The following ATG14 variants were observed in gnomAD, a reference collection of about 807,000 sequenced individuals.
The protein encoded by ATG14 is beclin 1-associated autophagy-related key regulator.
ATG14 carries 35 observed loss-of-function variants against 60.4 expected under a neutral mutation model. The observed-to-expected ratio is 0.58, with a 90% CI of 0.44 to 0.77. The LOEUF is 0.77. Ranked by LOEUF, ATG14 falls within the 30% of genes least tolerant of loss-of-function variation. The pLI is 0.00. For synonymous variants in ATG14, 234 were observed against 228.8 expected, an observed-to-expected ratio of 1.02 and a Z score of -0.21; for missense variants, 647 against 626.3, an observed-to-expected ratio of 1.03 and a Z score of -0.35.
intron 9 of ATG14, among the ~76,000 whole-genome samples, chr14:55,377,595 G>A (rs1884943521): frequency 6.6e-6 from 1 of 152,006 alleles, no homozygotes; most frequent in African/African-American, 2.4e-5. Flanking sequence ...TGCGCTTCAG[G>A]TATTAAAAAT....
At chr14:55,388,172 CT>C (rs1311032062) in intron 4 of ATG14, among the ~76,000 whole-genome samples, 6 of 152,184 alleles carry the variant, frequency 3.9e-5, no homozygotes, top group Admixed American at 3.9e-4. Context: ...TGCCATCCTG[CT>C]TAATGTGAAT....
chr14:55,406,574 T>C (rs1380260144), intron 1 of ATG14, among the ~76,000 whole-genome samples: 1 of 152,218 alleles, frequency 6.6e-6, no homozygotes, highest in Admixed American at 6.5e-5. Flanking sequence ...TTCTCCTCTG[T>C]ATTGCCAGAA....
intron 1 of ATG14, among the ~76,000 whole-genome samples, chr14:55,408,742 G>A (rs531248419): frequency 6.6e-6 from 1 of 152,280 alleles, no homozygotes; most frequent in African/African-American, 2.4e-5. Flanking sequence ...GTGCACTCCA[G>A]CCTCGGTGAC....
intron 1 of ATG14, among the ~76,000 whole-genome samples, chr14:55,408,247 G>GTCCAAGACCAGCCTGGGCA (rs2140155317): frequency 6.6e-6 from 1 of 152,012 alleles, no homozygotes; most frequent in Non-Finnish European, 1.5e-5. Context: ...GAGCTCCAGA[G>GTCCAAGACCAGCCTGGGCA]TCCAAGACCA....
chr14:55,410,310 T>C (rs988902615), intron 1 of ATG14, among the ~76,000 whole-genome samples: 3 of 152,200 alleles, frequency 2.0e-5, no homozygotes, highest in Non-Finnish European at 4.4e-5. Context: ...ATAGATGGTA[T>C]TTAAATTATG....
chr14:55,369,731 C>G lies in ATG14; in HGVS notation c.1367G>C (p.Ser456Thr), dbSNP rs1261512909. The change falls in exon 10 of 10, where the codon AGT (serine) becomes ACT (threonine). Residue 456 changes from serine to threonine, a missense_variant. Physicochemically the swap from Ser to Thr is moderately conservative, Grantham distance 58 (BLOSUM62 1). Transcript: ENST00000247178. ...GGGTGGGGACGCCTGGGTGCTCTGA[C>G]TCTGGGAGACTTCCACAGACTGGGA... ...IPSQSVEVSQSQSTQASPPIA... is the reference protein window; with the variant it reads ...IPSQSVEVSQTQSTQASPPIA... 6.2e-7 allele frequency: 1 copy of G among 1,613,612 alleles called. No homozygotes were observed. The highest frequency in any genetic ancestry group is 8.5e-7 in the Non-Finnish European group (1 of 1,179,728).
chr14:55,396,461 A>G (rs1240072298), intron 2 of ATG14, among the ~76,000 whole-genome samples: 1 of 152,258 alleles, frequency 6.6e-6, no homozygotes, highest in Non-Finnish European at 1.5e-5. Flanking sequence ...CTAATACAGA[A>G]TATCCTGGTA....
intron 3 of ATG14, 95 bp from the exon 4 acceptor site, chr14:55,391,087 G>A (rs1885207876): frequency 6.3e-6 from 5 of 794,904 alleles, no homozygotes; most frequent in Non-Finnish European, 1.0e-5. Context: ...AGATATGTCA[G>A]AAAACATAAT....
In ATG14 at chr14:55,366,440, T is replaced by C. The variant is rs968116672; in HGVS notation, c.*3179A>G. ...AATACAATAAAAGTTTAGAAAACAT[T>C]TGTATGACTCAAACTGGTTTGGAAG... On this transcript the variant is annotated 3_prime_UTR_variant, in exon 10 of 10. Transcript: ENST00000247178. 1 of 152,616 alleles carries C rather than the reference T, an allele frequency of 6.6e-6. No individual in the cohort carries two copies. Among genetic ancestry groups the C allele is most frequent in the Non-Finnish European group, 1.5e-5 (1 of 68,032 alleles). The allele number at this position is 152,616 out of a possible 1,614,324, so 9.5% of individuals were successfully genotyped here.
intron 3 of ATG14, among the ~76,000 whole-genome samples, chr14:55,394,006 T>G (rs1439844819): frequency 8.2e-6 from 1 of 122,556 alleles, no homozygotes; most frequent in Non-Finnish European, 1.9e-5. Context: ...AGTATCATAA[T>G]TTTTTTTTTT....
At position 55,396,097 on chromosome 14, in the gene ATG14, A is replaced by C. The variant is rs189161983; in HGVS notation, c.285-115T>G. 9.1e-4 allele frequency: 629 copies of C among 694,296 alleles called. 9 individuals carry two copies. In the African/African-American group the frequency reaches 0.011, roughly 12 times the overall value. 43.0% of individuals were successfully genotyped at this position (694,296 alleles called of 1,614,324 possible). A position where few individuals can be genotyped will look rare whatever the true frequency, so the allele number is the denominator to read the frequency against. On this transcript the variant is annotated intron_variant, in intron 2 of 9. Coordinates refer to ENST00000247178, the MANE Select transcript of ATG14 (RefSeq NM_014924.5). ...TCCTTAGAAATGGCTAGAAATATCA[A>C]AACGGGACTTAGCATTTAAAGTGTT...
chr14:55,388,312 TG>T (rs1336710483), intron 4 of ATG14, among the ~76,000 whole-genome samples: 4 of 152,216 alleles, frequency 2.6e-5, no homozygotes, highest in Non-Finnish European at 4.4e-5. Flanking sequence ...GTCAGATTTC[TG>T]GGGGAAGATC....
chr14:55,368,315 GT>G lies in ATG14; in HGVS notation c.*1303del, dbSNP rs1884730482. 1 of 152,424 alleles carries G rather than the reference GT, an allele frequency of 6.6e-6. No homozygotes were observed. Among genetic ancestry groups the G allele is most frequent in the South Asian group, 2.1e-4 (1 of 4,824 alleles). The allele number at this position is 152,424 out of a possible 1,614,324, so 9.4% of individuals were successfully genotyped here. ...GGCTCACTGCAACCTCTGCCTCCCG[GT>G]TCAAGCGATTCTCCTGCCGCAGCCT... On this transcript the variant is annotated 3_prime_UTR_variant, in exon 10 of 10. Transcript: ENST00000247178.
At chr14:55,375,497 T>A (rs1884902089) in intron 9 of ATG14, among the ~76,000 whole-genome samples, 1 of 134,328 alleles carries the variant, frequency 7.4e-6, no homozygotes, top group East Asian at 2.0e-4. Context: ...TAAATTTTTT[T>A]TTTTTTTTTT....
chr14:55,403,751 T>C (rs1417186085), intron 1 of ATG14, among the ~76,000 whole-genome samples: 2 of 152,168 alleles, frequency 1.3e-5, no homozygotes, highest in African/African-American at 2.4e-5. Context: ...AGAATATGCA[T>C]AGGATATTGA....
intron 4 of ATG14, among the ~76,000 whole-genome samples, chr14:55,387,429 G>GC (rs989322699): frequency 2.6e-5 from 4 of 152,006 alleles, no homozygotes; most frequent in Non-Finnish European, 4.4e-5. Context: ...ATTCAGGAAG[G>GC]CCCCCCTCCA....
Position 55,407,857 on chromosome 14 carries a change from T to A in ATG14, c.221+3745A>T, listed in dbSNP as rs1048640710. Among the ~76,000 whole-genome samples the A allele has an allele frequency of 2.0e-5, 3 of 152,028 alleles. No individual in the cohort carries two copies. The East Asian group carries it at 5.8e-4, about 29-fold the overall frequency. On this transcript the variant is annotated intron_variant, in intron 1 of 9. Transcript: ENST00000247178. ...GTCAGGAAAGGCCTCACCGAAGAAG[T>A]GGCCTTTAAGTTGAATGGTGAAAGA...
intron 3 of ATG14, chr14:55,391,311 T>G (rs938345293): frequency 3.4e-5 from 6 of 179,094 alleles, no homozygotes; most frequent in South Asian, 1.1e-4. Context: ...CCATCTCTAC[T>G]AAAAAAATAC....
intron 3 of ATG14, among the ~76,000 whole-genome samples, chr14:55,394,637 C>T (rs958953093): frequency 1.3e-5 from 2 of 152,128 alleles, no homozygotes; most frequent in African/African-American, 2.4e-5. Flanking sequence ...CTACCACGAC[C>T]AAAGAGCTCA....
Sources: allele counts gnomAD v4.1 joint callset (sites outside exome capture counted in the v4.1 genomes callset), GRCh38; gene constraint gnomAD v4.1.1; transcripts MANE v1.5; gene names NCBI Gene and HGNC (gene_info 2026-07-23, HGNC 2026-07-21).